The following KCNQ5 variants were observed in gnomAD, a reference collection of about 807,000 sequenced individuals.
KCNQ5 encodes potassium voltage-gated channel subfamily Q member 5, also known as potassium voltage-gated channel subfamily KQT member 5.
A neutral mutation model predicts 98.2 loss-of-function variants in KCNQ5; 30 were observed. The ratio of observed to expected loss-of-function variants is 0.31; its 90% CI spans 0.23 to 0.41. The LOEUF is 0.41. Among genes scored for constraint, KCNQ5 ranks in the 10% least tolerant of loss-of-function variants. The pLI is 1.00. For missense variants in KCNQ5, 835 were observed against 1,182.5 expected (o/e 0.71, Z 4.31); for synonymous variants, 458 against 449.4 (o/e 1.02, Z -0.24).
chr6:72,840,394 G>A (rs1202974760), intron 1 of KCNQ5, among the ~76,000 whole-genome samples: 1 of 152,182 alleles, frequency 6.6e-6, no homozygotes, highest in Non-Finnish European at 1.5e-5. Context: ...AGAATAGCAA[G>A]AGACTTGAGC....
intron 4 of KCNQ5, 76 bp downstream of exon 4, chr6:73,077,573 T>A (rs1773588492): frequency 6.8e-7 from 1 of 1,460,514 alleles, no homozygotes; most frequent in Non-Finnish European, 9.2e-7. Flanking sequence ...TTAATAAACC[T>A]GTCACAAGAA....
At chr6:72,778,458 G>T (rs1019223365) in intron 1 of KCNQ5, among the ~76,000 whole-genome samples, 1 of 151,478 alleles carries the variant, frequency 6.6e-6, no homozygotes, top group Admixed American at 6.6e-5. Flanking sequence ...GGGGTCGCTT[G>T]ACCCCCAGAG....
At chr6:72,813,688 G>C (rs972341133) in intron 1 of KCNQ5, among the ~76,000 whole-genome samples, 4 of 152,094 alleles carry the variant, frequency 2.6e-5, no homozygotes, top group Non-Finnish European at 4.4e-5. Flanking sequence ...TTAAGTCCCC[G>C]ATATAAAATA....
At chr6:73,091,393 ACAAACCAATATTG>A (rs1390055240) in intron 5 of KCNQ5, among the ~76,000 whole-genome samples, 1 of 152,152 alleles carries the variant, frequency 6.6e-6, no homozygotes, top group Non-Finnish European at 1.5e-5. Flanking sequence ...GATGGGTGCA[ACAAACCAATATTG>A]CACATGTATA....
intron 1 of KCNQ5, among the ~76,000 whole-genome samples, chr6:72,781,766 C>T (rs1410461366): frequency 2.0e-5 from 3 of 152,016 alleles, no homozygotes; most frequent in African/African-American, 7.2e-5. Context: ...TATAAAAGTA[C>T]TCAAGCCTGC....
intron 1 of KCNQ5, among the ~76,000 whole-genome samples, chr6:72,744,111 C>G (rs1040318991): frequency 5.3e-5 from 8 of 152,146 alleles, no homozygotes; most frequent in African/African-American, 1.9e-4. Flanking sequence ...AGAAATGATA[C>G]CTCTGCTCAC....
intron 1 of KCNQ5, among the ~76,000 whole-genome samples, chr6:72,864,230 G>C (rs372704451): frequency 6.6e-6 from 1 of 151,976 alleles, no homozygotes; most frequent in Non-Finnish European, 1.5e-5. Flanking sequence ...TATATCCCAT[G>C]AACACTACCT....
intron 1 of KCNQ5, among the ~76,000 whole-genome samples, chr6:72,826,218 G>A (rs144701766): frequency 7.6e-4 from 116 of 152,226 alleles, no homozygotes; most frequent in Middle Eastern, 3.4e-3. Context: ...TATGACATGA[G>A]GAATACTTTA....
At chr6:72,785,140 T>C (rs1773670874) in intron 1 of KCNQ5, among the ~76,000 whole-genome samples, 1 of 152,192 alleles carries the variant, frequency 6.6e-6, no homozygotes, top group African/African-American at 2.4e-5. Context: ...TCTTCTCTTA[T>C]ATCGTTGAAG....
At chr6:72,870,885 A>G (rs918827560) in intron 1 of KCNQ5, among the ~76,000 whole-genome samples, 4 of 152,212 alleles carry the variant, frequency 2.6e-5, no homozygotes, top group Admixed American at 2.6e-4. Context: ...AAAGTCAAAT[A>G]TTCACTAGAA....
intron 1 of KCNQ5, among the ~76,000 whole-genome samples, chr6:73,002,932 G>A (rs913507035): frequency 2.6e-5 from 4 of 152,162 alleles, no homozygotes; most frequent in Non-Finnish European, 4.4e-5. Context: ...GGGGAAGCAA[G>A]GAGGAGTCAG....
chr6:72,643,444 A>G (rs1213967550), intron 1 of KCNQ5, among the ~76,000 whole-genome samples: 2 of 152,134 alleles, frequency 1.3e-5, no homozygotes, highest in African/African-American at 4.8e-5. Flanking sequence ...CAGCCACATT[A>G]AATTCACAGG....
chr6:72,893,286 GT>G (rs11321086), intron 1 of KCNQ5, among the ~76,000 whole-genome samples: 4,277 of 151,556 alleles, frequency 0.028, 211 homozygotes, highest in African/African-American at 0.097. Context: ...GGCTATTGTG[GT>G]TTTTTTTTAA....
chr6:72,976,437 G>T (rs932684574), intron 1 of KCNQ5, among the ~76,000 whole-genome samples: 6 of 152,050 alleles, frequency 3.9e-5, no homozygotes, highest in Non-Finnish European at 8.8e-5. Context: ...CTATTACACC[G>T]GATTATTTTC....
intron 1 of KCNQ5, among the ~76,000 whole-genome samples, chr6:72,794,329 T>G (rs563606481): frequency 6.7e-6 from 1 of 149,896 alleles, no homozygotes; most frequent in Non-Finnish European, 1.5e-5. Flanking sequence ...AACTTTAAAG[T>G]GAACCAAAGA....
At chr6:72,808,023 T>A (rs143555995) in intron 1 of KCNQ5, among the ~76,000 whole-genome samples, 40 of 152,286 alleles carry the variant, frequency 2.6e-4, no homozygotes, top group Admixed American at 2.4e-3. Flanking sequence ...AGTATTCACT[T>A]GCCAAAGAAG....
chr6:72,957,821 G>C (rs1004392660), intron 1 of KCNQ5, among the ~76,000 whole-genome samples: 1 of 152,066 alleles, frequency 6.6e-6, no homozygotes, highest in African/African-American at 2.4e-5. Flanking sequence ...CTGAGAAAAA[G>C]GTGGGTAGCT....
At chr6:73,013,316 T>C (rs548273542) in intron 2 of KCNQ5, among the ~76,000 whole-genome samples, 1 of 152,220 alleles carries the variant, frequency 6.6e-6, no homozygotes, top group South Asian at 2.1e-4. Context: ...TTTATATCTC[T>C]TCTCTCGATG....
rs1376087315 is a variant in KCNQ5 at position 73,004,014 on chromosome 6, A to G, written c.489+16A>G. ...CTTGATCCTGGTAAGTGAAACATGA[A>G]CAAGAACGTACATGAATGTTGTATA... On this transcript the variant is annotated intron_variant, in intron 2 of 13. Coordinates refer to ENST00000370398, the MANE Select transcript of KCNQ5 (RefSeq NM_019842.4). 2.8e-6 allele frequency: 4 copies of G among 1,410,740 alleles called. No homozygotes were observed. The highest frequency in any genetic ancestry group is 1.7e-4 in the Middle Eastern group (1 of 5,716). 87.4% of individuals were successfully genotyped at this position (1,410,740 alleles called of 1,614,324 possible).
Sources: allele counts gnomAD v4.1 joint callset (sites outside exome capture counted in the v4.1 genomes callset), GRCh38; gene constraint gnomAD v4.1.1; transcripts MANE v1.5; gene names NCBI Gene and HGNC (gene_info 2026-07-23, HGNC 2026-07-21).